Variants in TSPAN7 observed in about 807,000 individuals in gnomAD.
The protein encoded by TSPAN7 is tetraspanin-7.
In TSPAN7, 1 loss-of-function variant was observed where a neutral mutation model predicts 17.6. That is an observed-to-expected ratio of 0.06 (90% confidence interval 0.02 to 0.27). TSPAN7 has a LOEUF of 0.27. Ranked by LOEUF, TSPAN7 falls within the 10% of genes least tolerant of loss-of-function variation. TSPAN7 has a pLI of 1.00. For missense variants in TSPAN7, 112 were observed against 201.7 expected (o/e 0.56, Z 2.69); for synonymous variants, 78 against 79.0 (o/e 0.99, Z 0.07).
intron 1 of TSPAN7, among the ~76,000 whole-genome samples, chrX:38,640,705 C>T (rs964809284): frequency 3.6e-5 from 4 of 112,353 alleles, no homozygotes; most frequent in African/African-American, 9.7e-5. Flanking sequence ...AAAATGCTAA[C>T]ATTTAACTAC....
chrX:38,684,334 C>A (rs765370472), intron 6 of TSPAN7, among the ~76,000 whole-genome samples: 59 of 110,306 alleles, frequency 5.3e-4, no homozygotes, highest in African/African-American at 1.8e-3. Flanking sequence ...ATTACCTTTG[C>A]CCTCTCAAGG....
chrX:38,666,436 T>A (rs1170356906), intron 2 of TSPAN7, 127 bp downstream of exon 2: 5 of 702,993 alleles, frequency 7.1e-6, no homozygotes, highest in Non-Finnish European at 8.7e-6. Context: ...CCAGACTCTT[T>A]CCTAATCCAT....
In TSPAN7 at chrX:38,569,839, T is replaced by G. The variant is rs1413080278; in HGVS notation, c.81+8212T>G. Among the ~76,000 whole-genome samples, 9 of 111,908 alleles carry G rather than the reference T, an allele frequency of 8.0e-5. No homozygotes were observed. The South Asian group carries it at 1.1e-3, about 14-fold the overall frequency. ...TAACTGGAAGTCCTTTATATCTTTA[T>G]CTCTACATCAGATGGTACTAATTAA... is the stretch of plus-strand genomic sequence containing the variant. On this transcript the variant is annotated intron_variant, in intron 1 of 7. Coordinates refer to ENST00000378482, the MANE Select transcript of TSPAN7 (RefSeq NM_004615.4).
At chrX:38,630,918 A>G (rs1156437484) in intron 1 of TSPAN7, among the ~76,000 whole-genome samples, 1 of 112,183 alleles carries the variant, frequency 8.9e-6, no homozygotes, top group Non-Finnish European at 1.9e-5. Context: ...ATAAATCTTG[A>G]ATACTAACCT....
intron 1 of TSPAN7, among the ~76,000 whole-genome samples, chrX:38,589,158 A>T (rs1407899152): frequency 8.9e-6 from 1 of 112,105 alleles, no homozygotes; most frequent in African/African-American, 3.2e-5. Flanking sequence ...ACTTCAGGCC[A>T]CAATTTGGTG....
In TSPAN7 at chrX:38,667,345, G is replaced by T. The variant is rs760217082; in HGVS notation, c.270+1036G>T. ...TTCACTGATGGGGATTAATGGTAAAGGATTTTATAGATAAAAATTAGCAAG... is the reference window on the plus strand; with the variant it reads ...TTCACTGATGGGGATTAATGGTAAATGATTTTATAGATAAAAATTAGCAAG... On this transcript the variant is annotated intron_variant, in intron 2 of 7. Transcript: ENST00000378482. 3.6e-5 allele frequency among the ~76,000 whole-genome samples: 4 copies of T among 112,262 alleles called. No individual in the cohort carries two copies. In the Admixed American group the frequency reaches 3.8e-4, roughly 11 times the overall value.
chrX:38,629,019 A>C (rs1056601715), intron 1 of TSPAN7, among the ~76,000 whole-genome samples: 4 of 112,293 alleles, frequency 3.6e-5, no homozygotes, highest in African/African-American at 9.7e-5. Context: ...AATCTATGGC[A>C]GTTTTGTTCA....
At chrX:38,671,087 C>T (rs1290267226) in intron 2 of TSPAN7, among the ~76,000 whole-genome samples, 3 of 111,480 alleles carry the variant, frequency 2.7e-5, no homozygotes, top group African/African-American at 9.8e-5. Context: ...TGTGAAAGTT[C>T]CTTCCAGATT....
chrX:38,624,239 G>C (rs888493448), intron 1 of TSPAN7, among the ~76,000 whole-genome samples: 7 of 110,449 alleles, frequency 6.3e-5, no homozygotes, highest in African/African-American at 2.0e-4. Flanking sequence ...TATATACCTA[G>C]TAAGCTATGG....
intron 1 of TSPAN7, among the ~76,000 whole-genome samples, chrX:38,577,809 A>AT (rs1409660463): frequency 2.8e-5 from 3 of 108,497 alleles, no homozygotes; most frequent in African/African-American, 1.0e-4. Context: ...AACTTAAAGT[A>AT]TAAAAAAAAA....
chrX:38,644,304 T>A (rs2069632737), intron 1 of TSPAN7, among the ~76,000 whole-genome samples: 1 of 112,121 alleles, frequency 8.9e-6, no homozygotes, highest in Admixed American at 9.4e-5. Context: ...TAAATCTTTA[T>A]TTCAACCTTG....
intron 1 of TSPAN7, among the ~76,000 whole-genome samples, chrX:38,628,147 A>G (rs1169999690): frequency 8.9e-6 from 1 of 112,529 alleles, no homozygotes; most frequent in East Asian, 2.8e-4. Context: ...ATTAATGCCA[A>G]GTACTCTTTT....
chrX:38,686,839 A>G (rs1231485024), intron 6 of TSPAN7, among the ~76,000 whole-genome samples: 1 of 112,033 alleles, frequency 8.9e-6, no homozygotes, highest in Non-Finnish European at 1.9e-5. Flanking sequence ...ATCAAGGCAC[A>G]AAGACAAGTG....
chrX:38,610,213 A>G (rs1267836548), intron 1 of TSPAN7, among the ~76,000 whole-genome samples: 1 of 111,733 alleles, frequency 8.9e-6, no homozygotes, highest in East Asian at 2.8e-4. Flanking sequence ...ATGGGTATTC[A>G]TATTAACCCA....
chrX:38,611,402 C>G (rs771787125), intron 1 of TSPAN7, among the ~76,000 whole-genome samples: 1 of 112,409 alleles, frequency 8.9e-6, no homozygotes, highest in East Asian at 2.8e-4. Context: ...TCAAACAAGA[C>G]TAAGTCACGT....
chrX:38,686,893 G>T (rs186127680), intron 6 of TSPAN7, among the ~76,000 whole-genome samples: 1 of 111,602 alleles, frequency 9.0e-6, no homozygotes, highest in East Asian at 2.8e-4. Context: ...TACATCACTG[G>T]TGGTCCTGAG....
At chrX:38,654,570 C>G (rs2069691431) in intron 1 of TSPAN7, among the ~76,000 whole-genome samples, 2 of 112,117 alleles carry the variant, frequency 1.8e-5, no homozygotes, top group African/African-American at 3.2e-5. Flanking sequence ...ACCATTTAGC[C>G]TCCTTGATGC....
intron 1 of TSPAN7, among the ~76,000 whole-genome samples, chrX:38,611,357 T>C (rs2069417519): frequency 1.8e-5 from 2 of 112,126 alleles, no homozygotes; most frequent in African/African-American, 6.5e-5. Flanking sequence ...GTGAACCTGT[T>C]GTCTGGGGTA....
intron 1 of TSPAN7, among the ~76,000 whole-genome samples, chrX:38,639,153 G>A (rs2069598949): frequency 9.0e-6 from 1 of 111,235 alleles, no homozygotes; most frequent in South Asian, 3.9e-4. Flanking sequence ...AATGAGATAA[G>A]AATAGCAGCA....
Sources: gnomAD v4.1 joint callset for allele counts (sites outside exome capture counted in the v4.1 genomes callset) on GRCh38, gnomAD v4.1.1 for gene constraint, MANE v1.5 for transcripts, NCBI Gene and HGNC (gene_info 2026-07-23, HGNC 2026-07-21) for gene names.